The following ARMH1 variants were observed in gnomAD, a reference collection of about 807,000 sequenced individuals.
The protein encoded by ARMH1 is armadillo-like helical domain containing protein 1.
Under a neutral mutation model 50.2 loss-of-function variants are expected in ARMH1, and 34 were observed. That is an observed-to-expected ratio of 0.68 (90% CI 0.51 to 0.90). ARMH1 has a LOEUF of 0.90. Ranked by LOEUF, ARMH1 falls within the 40% of genes least tolerant of loss-of-function variation. The pLI, the probability that ARMH1 is intolerant of heterozygous loss-of-function variation, is 0.00. For synonymous variants in ARMH1, 221 were observed against 224.2 expected (o/e 0.99, Z 0.13); for missense variants, 538 against 553.9 (o/e 0.97, Z 0.29).
At position 44,698,067 on chromosome 1, in the gene ARMH1, C is replaced by T. The variant is rs971706547; in HGVS notation, c.280C>T (p.Arg94Trp). The change falls in exon 4 of 12, where the codon CGG becomes TGG. Residue 94 changes from arginine to tryptophan, a missense_variant. Transcript: ENST00000535358. The part of the protein sequence containing the change: ...GIFLSAVSSN[R>W]YLIEFLEVGG... ...CTTTTCTATCCCTCTGGACAGTAAT[C>T]GGTACCTTATAGAATTTCTTGAGGT... is the stretch of plus-strand genomic sequence containing the variant. 14 of 1,548,084 alleles carry T rather than the reference C, an allele frequency of 9.0e-6. No individual in the cohort carries two copies. The Admixed American group carries it at 9.8e-5, about 11-fold the overall frequency.
chr1:44,721,674 A>C (rs1027161050), intron 6 of ARMH1: 1 of 151,914 alleles, frequency 6.6e-6, no homozygotes, highest in Admixed American at 6.6e-5. Context: ...GGTTGTAGTG[A>C]GCCGCGACCA....
At chr1:44,692,628 A>C (rs1192257135) in intron 2 of ARMH1, among the ~76,000 whole-genome samples, 1 of 152,220 alleles carries the variant, frequency 6.6e-6, no homozygotes, top group Admixed American at 6.5e-5. Flanking sequence ...TCTCTTTCTT[A>C]CATTTAAGTT....
chr1:44,699,157 A>C (rs1645939059), intron 4 of ARMH1, among the ~76,000 whole-genome samples: 1 of 151,622 alleles, frequency 6.6e-6, no homozygotes, highest in African/African-American at 2.4e-5. Context: ...GGTGGCACGC[A>C]CCTGTAATGG....
chr1:44,723,703 A>C (rs1573523379), intron 6 of ARMH1: 1 of 159,802 alleles, frequency 6.3e-6, no homozygotes, highest in Non-Finnish European at 1.4e-5. Context: ...ACTGCCGCCT[A>C]CCTTCCTTCC....
In ARMH1 at chr1:44,704,188, G is replaced by C; in HGVS notation, c.724+15G>C. 6.5e-7 allele frequency: 1 copy of C among 1,544,298 alleles called. No individual in the cohort carries two copies. The highest frequency in any genetic ancestry group is 8.8e-7 in the Non-Finnish European group (1 of 1,140,458). The stretch of plus-strand genomic sequence containing the variant: ...CCAGTATGAAGGTAGGGAGCCTCCA[G>C]ATTGCAGAAGGGGGCACCGAGAGCC... On this transcript the variant is annotated intron_variant, in intron 6 of 11. Coordinates refer to ENST00000535358, the MANE Select transcript of ARMH1 (RefSeq NM_001145636.2).
intron 1 of ARMH1, among the ~76,000 whole-genome samples, chr1:44,686,141 T>C (rs1370295479): frequency 6.6e-6 from 1 of 152,162 alleles, no homozygotes; most frequent in Non-Finnish European, 1.5e-5. Flanking sequence ...CAGTCTAAAC[T>C]ATAGTAGAAA....
chr1:44,684,375 A>G (rs1645402418), intron 1 of ARMH1: 1 of 152,162 alleles, frequency 6.6e-6, no homozygotes, highest in Non-Finnish European at 1.5e-5. Flanking sequence ...ATCTCCCCCT[A>G]CTTCTGAAAA....
At chr1:44,704,293 G>A in intron 6 of ARMH1, 120 bp downstream of exon 6, 1 of 752,486 alleles carries the variant, frequency 1.3e-6, no homozygotes, top group South Asian at 1.5e-5. Flanking sequence ...TTGGCAGATG[G>A]AAGATGCTGG....
chr1:44,712,412 C>T (rs1465897478), intron 6 of ARMH1, among the ~76,000 whole-genome samples: 1 of 151,770 alleles, frequency 6.6e-6, no homozygotes, highest in Admixed American at 6.6e-5. Flanking sequence ...GAGCCGAGAT[C>T]GTGCCACAGC....
chr1:44,693,145 A>AACCCTGG (rs1436869216), intron 2 of ARMH1: 1 of 152,220 alleles, frequency 6.6e-6, no homozygotes, highest in Non-Finnish European at 1.5e-5. Flanking sequence ...TTGAGGGTGG[A>AACCCTGG]ACCCTGGACC....
intron 6 of ARMH1, among the ~76,000 whole-genome samples, chr1:44,717,115 C>T (rs961918779): frequency 3.9e-5 from 6 of 152,156 alleles, no homozygotes; most frequent in African/African-American, 1.4e-4. Flanking sequence ...TCCCAAAGTG[C>T]TGGGATTACA....
intron 4 of ARMH1, among the ~76,000 whole-genome samples, chr1:44,700,243 A>G (rs190669864): frequency 6.6e-6 from 1 of 152,198 alleles, no homozygotes; most frequent in African/African-American, 2.4e-5. Context: ...AGCGGGAGAA[A>G]CACCTTCCTC....
chr1:44,718,981 C>T (rs1414249280), intron 6 of ARMH1, among the ~76,000 whole-genome samples: 3 of 143,694 alleles, frequency 2.1e-5, no homozygotes, highest in Admixed American at 7.3e-5. Flanking sequence ...GCTAAGATCG[C>T]ACCATAGTAC....
intron 6 of ARMH1, chr1:44,721,909 T>A (rs557441009): frequency 6.6e-6 from 1 of 152,236 alleles, no homozygotes; most frequent in South Asian, 2.1e-4. Flanking sequence ...GATCTGCCTG[T>A]TAGCCTTTTG....
chr1:44,690,488 A>T (rs1645625680), intron 2 of ARMH1, among the ~76,000 whole-genome samples: 1 of 152,096 alleles, frequency 6.6e-6, no homozygotes, highest in African/African-American at 2.4e-5. Flanking sequence ...CTCTATTTGT[A>T]CTGCACTTGA....
chr1:44,717,711 T>C (rs1188597510), intron 6 of ARMH1, among the ~76,000 whole-genome samples: 2 of 152,236 alleles, frequency 1.3e-5, no homozygotes, highest in Non-Finnish European at 2.9e-5. Flanking sequence ...GTTAAATAAA[T>C]GAATGAATCA....
chr1:44,698,425 T>C (rs1645901770), intron 4 of ARMH1, among the ~76,000 whole-genome samples, 196 bp downstream of exon 4: 1 of 152,220 alleles, frequency 6.6e-6, no homozygotes, highest in Non-Finnish European at 1.5e-5. Flanking sequence ...TTTTCAGTAG[T>C]GGTTTTAGAA....
In ARMH1 at chr1:44,677,271, G is replaced by A. The variant is rs114920493; in HGVS notation, c.-23+2398G>A. ...TCGAGGTTAGTGACCATTAATTTTCGGAAGCAGCAGTCTGCAAGGTTGTGT... is the reference window on the plus strand; with the variant it reads ...TCGAGGTTAGTGACCATTAATTTTCAGAAGCAGCAGTCTGCAAGGTTGTGT... On this transcript the variant is annotated intron_variant, in intron 1 of 11. Transcript: ENST00000535358. 7.2e-3 allele frequency among the ~76,000 whole-genome samples: 1,092 copies of A among 152,268 alleles called. 9 individuals are homozygous for A. The highest frequency in any genetic ancestry group is 0.016 in the South Asian group (78 of 4,824).
At chr1:44,680,606 G>T (rs974217517) in intron 1 of ARMH1, among the ~76,000 whole-genome samples, 1 of 152,214 alleles carries the variant, frequency 6.6e-6, no homozygotes, top group African/African-American at 2.4e-5. Flanking sequence ...AAGTAGTTAG[G>T]AGATGGCTTT....
Sources: gnomAD v4.1 joint callset for allele counts (sites outside exome capture counted in the v4.1 genomes callset) on GRCh38, gnomAD v4.1.1 for gene constraint, MANE v1.5 for transcripts, NCBI Gene and HGNC (gene_info 2026-07-23, HGNC 2026-07-21) for gene names.